SDK2: variants seen among roughly 807,000 people sequenced by gnomAD.
SDK2 encodes protein sidekick-2.
In SDK2, 105 loss-of-function variants were observed where a neutral mutation model predicts 253.9. The observed-to-expected ratio is 0.41, with a 90% CI of 0.35 to 0.49. SDK2 has a LOEUF of 0.49. Among genes scored for constraint, SDK2 ranks in the 20% least tolerant of loss-of-function variants. SDK2 has a pLI of 0.06. For missense variants in SDK2, 2,608 were observed against 3,003.0 expected, an observed-to-expected ratio of 0.87 and a Z score of 3.07; for synonymous variants, 1,249 against 1,234.9, an observed-to-expected ratio of 1.01 and a Z score of -0.24.
At chr17:73,484,967 TA>T (rs1299453552) in intron 2 of SDK2, among the ~76,000 whole-genome samples, 3 of 152,178 alleles carry the variant, frequency 2.0e-5, no homozygotes, top group Non-Finnish European at 4.4e-5. Context: ...CCTGTCTTCT[TA>T]AAAGGACCCC....
chr17:73,411,579 C>T (rs1366371483), intron 18 of SDK2, among the ~76,000 whole-genome samples: 12 of 152,092 alleles, frequency 7.9e-5, no homozygotes, highest in African/African-American at 2.7e-4. Context: ...GCAGGTCCTA[C>T]CCCTTTAAAA....
chr17:73,483,447 C>T (rs1330714298), intron 2 of SDK2, among the ~76,000 whole-genome samples: 1 of 145,372 alleles, frequency 6.9e-6, no homozygotes, highest in Non-Finnish European at 1.5e-5. Flanking sequence ...GTTGGGACTA[C>T]AGATACGTGC....
At chr17:73,432,818 G>A (rs1443288071) in intron 10 of SDK2, among the ~76,000 whole-genome samples, 2 of 152,052 alleles carry the variant, frequency 1.3e-5, no homozygotes, top group Admixed American at 6.6e-5. Flanking sequence ...GTGCACATGT[G>A]TATGTACGTG....
At chr17:73,546,523 C>T (rs1039617162) in intron 1 of SDK2, among the ~76,000 whole-genome samples, 3 of 152,230 alleles carry the variant, frequency 2.0e-5, no homozygotes, top group Non-Finnish European at 4.4e-5. Context: ...CACTGCAGCC[C>T]AGTCACCACA....
At chr17:73,360,525 G>A (rs2062631526) in intron 39 of SDK2, among the ~76,000 whole-genome samples, 1 of 150,476 alleles carries the variant, frequency 6.6e-6, no homozygotes, top group Admixed American at 6.6e-5. Context: ...TCTGGGAGGT[G>A]ACTTTTGTGT....
chr17:73,628,467 G>A (rs2046230175), intron 1 of SDK2, among the ~76,000 whole-genome samples: 1 of 152,246 alleles, frequency 6.6e-6, no homozygotes, highest in South Asian at 2.1e-4. Flanking sequence ...ACCTGCAAAG[G>A]CTCAGTCACT....
chr17:73,572,438 C>G (rs2045401263), intron 1 of SDK2, among the ~76,000 whole-genome samples: 1 of 152,130 alleles, frequency 6.6e-6, no homozygotes. Context: ...CCCATCCACC[C>G]CCACATCCTG....
intron 1 of SDK2, among the ~76,000 whole-genome samples, chr17:73,600,210 C>T (rs1028366397): frequency 6.6e-6 from 1 of 152,176 alleles, no homozygotes; most frequent in Non-Finnish European, 1.5e-5. Flanking sequence ...TCGGTCCCAT[C>T]CAGCAGCACT....
In SDK2 at chr17:73,644,177, G is replaced by T; in HGVS notation, c.-89C>A. On this transcript the variant is annotated 5_prime_UTR_variant, in exon 1 of 45. Transcript: ENST00000392650. The surrounding 1 kb of genome is among the most constrained non-coding windows in gnomAD (Gnocchi z 6.3). Reference sequence around the variant, plus strand: ...GTGGGGTCCGATACCCCGTGGCTTAGTCCCAGGAAACAGTCAGTCTACGCG... The same window carrying T: ...GTGGGGTCCGATACCCCGTGGCTTATTCCCAGGAAACAGTCAGTCTACGCG... 1.8e-6 allele frequency: 2 copies of T among 1,132,136 alleles called. No individual in the cohort carries two copies. The highest frequency in any genetic ancestry group is 2.6e-6 in the Non-Finnish European group (2 of 771,006). 70.1% of individuals were successfully genotyped at this position (1,132,136 alleles called of 1,614,324 possible).
intron 32 of SDK2, among the ~76,000 whole-genome samples, chr17:73,385,646 T>A (rs1203119623): frequency 6.6e-6 from 1 of 152,144 alleles, no homozygotes; most frequent in Admixed American, 6.5e-5. Flanking sequence ...AGGCGTGTTA[T>A]GGGAGTGTGT....
chr17:73,581,071 G>C (rs1464214490), intron 1 of SDK2, among the ~76,000 whole-genome samples: 1 of 151,536 alleles, frequency 6.6e-6, no homozygotes, highest in East Asian at 1.9e-4. Context: ...TTCAGAGATA[G>C]GGTCTCATCA....
chr17:73,469,511 C>T (rs2063628730), intron 3 of SDK2, among the ~76,000 whole-genome samples: 1 of 152,226 alleles, frequency 6.6e-6, no homozygotes, highest in Non-Finnish European at 1.5e-5. Flanking sequence ...TTCTCTGCAG[C>T]ACCTAGGAAA....
chr17:73,508,189 G>A (rs1228203171), intron 1 of SDK2, among the ~76,000 whole-genome samples: 1 of 152,258 alleles, frequency 6.6e-6, no homozygotes, highest in African/African-American at 2.4e-5. Flanking sequence ...TTCACTCTAG[G>A]CTGGCCGCCT....
intron 3 of SDK2, among the ~76,000 whole-genome samples, chr17:73,468,009 G>T (rs2063615130): frequency 6.6e-6 from 1 of 152,192 alleles, no homozygotes; most frequent in Admixed American, 6.5e-5. Flanking sequence ...GCACAGCATG[G>T]TCCTGGTGGA....
intron 1 of SDK2, among the ~76,000 whole-genome samples, chr17:73,624,768 C>G (rs991338904): frequency 6.6e-6 from 1 of 152,192 alleles, no homozygotes; most frequent in African/African-American, 2.4e-5. Flanking sequence ...AAGCCCTGAA[C>G]TAATCCGGCT....
intron 1 of SDK2, chr17:73,517,020 C>T (rs2064034865): frequency 6.6e-6 from 1 of 152,160 alleles, no homozygotes; most frequent in South Asian, 2.1e-4. Flanking sequence ...GAGCTCAGCC[C>T]ATGGTACGTC....
intron 1 of SDK2, among the ~76,000 whole-genome samples, chr17:73,569,515 C>T (rs776030830): frequency 8.6e-5 from 13 of 151,336 alleles, no homozygotes; most frequent in Non-Finnish European, 1.3e-4. Flanking sequence ...ATTTTGTATT[C>T]GTGCCTATTA....
At chr17:73,418,901 C>T (rs1318247067) in intron 16 of SDK2, among the ~76,000 whole-genome samples, 1 of 152,156 alleles carries the variant, frequency 6.6e-6, no homozygotes, top group Non-Finnish European at 1.5e-5. Context: ...TCTCCTGTCT[C>T]CTTGTAGGCC....
At chr17:73,575,964 T>A (rs1006923631) in intron 1 of SDK2, among the ~76,000 whole-genome samples, 1 of 152,062 alleles carries the variant, frequency 6.6e-6, no homozygotes, top group African/African-American at 2.4e-5. Context: ...GCCCAATACA[T>A]GCAGCACTGA....
Sources: allele counts gnomAD v4.1 joint callset (sites outside exome capture counted in the v4.1 genomes callset), GRCh38; gene constraint gnomAD v4.1.1; non-coding constraint Gnocchi (gnomAD v3.1); transcripts MANE v1.5; gene names NCBI Gene and HGNC (gene_info 2026-07-23, HGNC 2026-07-21).